MRTFA: variants seen among roughly 807,000 people sequenced by gnomAD.
MRTFA encodes the protein myocardin-related transcription factor A.
MRTFA carries 20 observed loss-of-function variants against 83.5 expected under a neutral mutation model. The ratio of observed to expected loss-of-function variants is 0.24; its 90% CI spans 0.17 to 0.35. The LOEUF (loss-of-function observed/expected upper bound fraction) is 0.35. Among genes scored for constraint, MRTFA ranks in the 10% least tolerant of loss-of-function variants. The pLI is 1.00. For missense variants in MRTFA, 1,200 were observed against 1,224.7 expected (o/e 0.98, Z 0.30); for synonymous variants, 659 against 541.2 (o/e 1.22, Z -3.02).
In MRTFA at chr22:40,470,231, TTATATATATATATATATATATATATA is replaced by T. The variant is rs71328709; in HGVS notation, c.242-6971_242-6946del. Among the ~76,000 whole-genome samples, 110 of 45,648 alleles carry T rather than the reference TTATATATATATATATATATATATATA, an allele frequency of 2.4e-3. 3 individuals carry two copies. In the South Asian group the frequency reaches 0.052, roughly 22 times the overall value. 29.9% of individuals were successfully genotyped at this position (45,648 alleles called of 152,430 possible). A position where few individuals can be genotyped will look rare whatever the true frequency, so the allele number is the denominator to read the frequency against. ...ACAGCAAGACCCCATCTCCAAAATT[TTATATATATATATATATATATATATA>T]TATATATATATATATATATATATAA... On this transcript the variant is annotated intron_variant, in intron 3 of 14. Transcript: ENST00000355630.
chr22:40,459,816 CACACACAT>C (rs1569277752), intron 4 of MRTFA, among the ~76,000 whole-genome samples: 1 of 94,362 alleles, frequency 1.1e-5, no homozygotes, highest in African/African-American at 4.7e-5. Context: ...CACACACACA[CACACACAT>C]ATATACATAT....
At chr22:40,617,601 C>T (rs917293734) in intron 1 of MRTFA, among the ~76,000 whole-genome samples, 1 of 151,892 alleles carries the variant, frequency 6.6e-6, no homozygotes, top group African/African-American at 2.4e-5. Context: ...GTGGCGGGCG[C>T]CTGTAGTCCC....
intron 2 of MRTFA, among the ~76,000 whole-genome samples, chr22:40,580,247 G>A (rs769448269): frequency 5.9e-5 from 9 of 152,040 alleles, no homozygotes; most frequent in Non-Finnish European, 1.2e-4. Context: ...CACCCAGACT[G>A]TAAAGCACTG....
At chr22:40,563,772 A>G (rs945193993) in intron 2 of MRTFA, among the ~76,000 whole-genome samples, 12 of 152,248 alleles carry the variant, frequency 7.9e-5, no homozygotes, top group African/African-American at 2.4e-4. Flanking sequence ...AGCTGGAGAC[A>G]TAACTTAAAT....
At chr22:40,493,874 T>G (rs935532227) in intron 3 of MRTFA, among the ~76,000 whole-genome samples, 2 of 152,236 alleles carry the variant, frequency 1.3e-5, no homozygotes, top group African/African-American at 4.8e-5. Context: ...CTTTGGATAA[T>G]AGTGTTTAGG....
chr22:40,480,214 T>C (rs2054064734), intron 3 of MRTFA, among the ~76,000 whole-genome samples: 1 of 152,046 alleles, frequency 6.6e-6, no homozygotes, highest in Non-Finnish European at 1.5e-5. Context: ...TCTGAATGTA[T>C]AGCCTGAATC....
chr22:40,509,953 G>T (rs1602359189), intron 3 of MRTFA, among the ~76,000 whole-genome samples: 1 of 116,134 alleles, frequency 8.6e-6, no homozygotes, highest in African/African-American at 3.2e-5. Context: ...TCCCACTGCA[G>T]TAAATCAAGA....
In MRTFA at chr22:40,418,435, A is replaced by G. The variant is rs748217781; in HGVS notation, c.2303T>C (p.Val768Ala). 24 of 1,613,804 alleles carry G rather than the reference A, an allele frequency of 1.5e-5. No homozygotes were observed. In the Middle Eastern group the frequency reaches 8.2e-4, roughly 55 times the overall value. ...TGCATTCTTATTGGTCACGGTGAGG[A>G]CAAGGTGGGTCCCTGTGGAGTCGGT... is the stretch of plus-strand genomic sequence containing the variant. Residue 768 changes from valine to alanine, a missense_variant, in exon 12 of 15, where the codon GTC (valine) becomes GCC (alanine). Val to Ala is a moderately conservative substitution (Grantham distance 64, BLOSUM62 0). Around this residue, in one of 2 missense-constraint regions of MRTFA, gnomAD observed 1,107 missense variants for 1,041.8 expected, o/e 1.06. Transcript: ENST00000355630.
At chr22:40,621,770 C>T (rs1488271956) in intron 1 of MRTFA, among the ~76,000 whole-genome samples, 1 of 151,828 alleles carries the variant, frequency 6.6e-6, no homozygotes, top group East Asian at 2.0e-4. Context: ...TACTCACAGG[C>T]TTTGAAACAT....
At chr22:40,502,843 T>A (rs2054518772) in intron 3 of MRTFA, among the ~76,000 whole-genome samples, 1 of 152,150 alleles carries the variant, frequency 6.6e-6, no homozygotes, top group East Asian at 1.9e-4. Context: ...TATTGCTTTC[T>A]TTTATTGGTG....
In MRTFA at chr22:40,416,873, T is replaced by G; in HGVS notation, c.2578+113A>C. On this transcript the variant is annotated intron_variant, in intron 14 of 14. Transcript: ENST00000355630. This position sits in a 1 kb window ranked among gnomAD's most constrained non-coding sequence, Gnocchi z 4.2. The stretch of plus-strand genomic sequence containing the variant: ...CAGCCACCACTGCATCCACAGTGCT[T>G]GCCCAAGACTGGTCACGCACGGAAG... 1 of 1,015,550 alleles carries G rather than the reference T, an allele frequency of 9.8e-7. No individual in the cohort carries two copies. 62.9% of individuals were successfully genotyped at this position (1,015,550 alleles called of 1,614,324 possible). A position where few individuals can be genotyped will look rare whatever the true frequency, so the allele number is the denominator to read the frequency against.
chr22:40,444,371 G>T (rs1472867860), intron 4 of MRTFA, among the ~76,000 whole-genome samples: 2 of 152,090 alleles, frequency 1.3e-5, no homozygotes, highest in African/African-American at 2.4e-5. Context: ...GGAAAAAGAG[G>T]GTGGGGCTGA....
At chr22:40,605,953 T>C (rs1229523224) in intron 1 of MRTFA, among the ~76,000 whole-genome samples, 1 of 152,214 alleles carries the variant, frequency 6.6e-6, no homozygotes, top group Non-Finnish European at 1.5e-5. Context: ...CACAATCAGC[T>C]TCTTGATTGA....
intron 14 of MRTFA, chr22:40,412,683 G>A (rs1186733726): frequency 6.6e-6 from 1 of 152,210 alleles, no homozygotes; most frequent in Non-Finnish European, 1.5e-5. Flanking sequence ...AAGTAGAATG[G>A]CAGTTGCTAC....
chr22:40,602,272 C>T (rs1442531005), intron 1 of MRTFA, among the ~76,000 whole-genome samples: 2 of 152,148 alleles, frequency 1.3e-5, no homozygotes, highest in Non-Finnish European at 2.9e-5. Flanking sequence ...GCTAAGGAAA[C>T]ACAAATGATT....
chr22:40,587,185 C>G (rs549795565), intron 2 of MRTFA: 1 of 458,340 alleles, frequency 2.2e-6, no homozygotes, highest in South Asian at 1.6e-5. Context: ...GCAAAGATTG[C>G]AGTTACTCTT....
intron 3 of MRTFA, among the ~76,000 whole-genome samples, chr22:40,495,638 A>G (rs2054340046): frequency 6.6e-6 from 1 of 150,914 alleles, no homozygotes; most frequent in African/African-American, 2.4e-5. Flanking sequence ...GGTCGCCTGT[A>G]ATCCCAGCTA....
intron 1 of MRTFA, among the ~76,000 whole-genome samples, chr22:40,635,797 C>T (rs2056690193): frequency 6.6e-6 from 1 of 152,168 alleles, no homozygotes; most frequent in Non-Finnish European, 1.5e-5. Flanking sequence ...TGCTATTATC[C>T]TCATTTTTCA....
chr22:40,424,607 CAG>C (rs1219929197), intron 7 of MRTFA, among the ~76,000 whole-genome samples: 1 of 152,208 alleles, frequency 6.6e-6, no homozygotes. Flanking sequence ...CCTAGGCTAT[CAG>C]AGTGACCTCA....
Sources: gnomAD v4.1 joint callset for allele counts (sites outside exome capture counted in the v4.1 genomes callset) on GRCh38, gnomAD v4.1.1 for gene constraint, gnomAD v4.1.1 regional missense constraint, Gnocchi (gnomAD v3.1) non-coding constraint, MANE v1.5 for transcripts, NCBI Gene and HGNC (gene_info 2026-07-23, HGNC 2026-07-21) for gene names.